The following NEBL variants were observed in gnomAD, a reference collection of about 807,000 sequenced individuals.
NEBL encodes nebulette.
In NEBL, 122 loss-of-function variants were observed where a neutral mutation model predicts 140.2. The ratio of observed to expected loss-of-function variants is 0.87; its 90% confidence interval spans 0.75 to 1.01. The LOEUF (loss-of-function observed/expected upper bound fraction) is 1.01, where lower values mean the gene tolerates loss of function less well. NEBL is among the 50% of genes least tolerant of loss of function. The pLI is 0.00. For missense variants in NEBL, 1,365 were observed against 1,231.3 expected, an observed-to-expected ratio of 1.11 and a Z score of -1.62; for synonymous variants, 436 against 398.9, an observed-to-expected ratio of 1.09 and a Z score of -1.11.
At chr10:20,852,926 G>C (rs1163917027) in intron 9 of NEBL, among the ~76,000 whole-genome samples, 1 of 152,230 alleles carries the variant, frequency 6.6e-6, no homozygotes, top group Non-Finnish European at 1.5e-5. Flanking sequence ...ACACCAGCGT[G>C]TGGCAACGGA....
intron 11 of NEBL, among the ~76,000 whole-genome samples, chr10:20,849,353 A>T (rs1842277933): frequency 6.6e-6 from 1 of 152,206 alleles, no homozygotes; most frequent in African/African-American, 2.4e-5. Flanking sequence ...TATTGAAAAA[A>T]AATCAATCAA....
At chr10:21,174,821 A>G (rs1162917249), upstream of NEBL, 1 of 152,142 alleles carries the variant, frequency 6.6e-6, no homozygotes, top group African/African-American at 2.4e-5. Flanking sequence ...CGGCTCCCAG[A>G]CCCCGCGCTT....
intron 3 of NEBL, among the ~76,000 whole-genome samples, chr10:20,982,353 A>C (rs559250776): frequency 6.6e-6 from 1 of 150,698 alleles, no homozygotes; most frequent in South Asian, 2.1e-4. Context: ...CAATTTCAGC[A>C]AGGGTATCCT....
chr10:20,818,910 T>C (rs1838996421), intron 20 of NEBL: 1 of 976,992 alleles, frequency 1.0e-6, no homozygotes, highest in Non-Finnish European at 1.2e-6. Context: ...AATTTTTAGA[T>C]AGTTTTATTA....
In NEBL at chr10:20,896,391, C is replaced by A. The variant is rs567280207; in HGVS notation, c.153+567G>T. 3.6e-4 allele frequency among the ~76,000 whole-genome samples: 54 copies of A among 149,498 alleles called. 1 individual carries two copies. The South Asian group carries it at 6.3e-3, about 18-fold the overall frequency. ...ACTAAAAAATGTCACAACAAAAATA[C>A]CCCTTGCACTAATATCCTTGCACTA... On this transcript the variant is annotated intron_variant, in intron 2 of 27. Transcript: ENST00000377122.
chr10:21,161,425 C>A (rs372987856), intron 2 of NEBL, among the ~76,000 whole-genome samples: 5 of 152,068 alleles, frequency 3.3e-5, no homozygotes, highest in East Asian at 3.9e-4. Flanking sequence ...ACTCACCATG[C>A]CCCCAACAAA....
intron 2 of NEBL, among the ~76,000 whole-genome samples, chr10:21,108,280 C>T (rs554826197): frequency 6.6e-6 from 1 of 152,166 alleles, no homozygotes; most frequent in Non-Finnish European, 1.5e-5. Flanking sequence ...ATCTTTCCTT[C>T]TTTCTCTTGT....
At chr10:21,103,933 G>C (rs1471752648) in intron 2 of NEBL, among the ~76,000 whole-genome samples, 1 of 152,132 alleles carries the variant, frequency 6.6e-6, no homozygotes, top group Non-Finnish European at 1.5e-5. Flanking sequence ...TTACATTTAA[G>C]TTTATGATAT....
Position 21,242,456 on chromosome 10 carries a change from G to A in NEBL, n.348+5465C>T, listed in dbSNP as rs572849279. Among the ~76,000 whole-genome samples the A allele has an allele frequency of 4.1e-4, 63 of 152,218 alleles. 1 individual carries two copies. In the South Asian group the frequency reaches 0.012, roughly 29 times the overall value. On this transcript the variant is annotated intron_variant and non_coding_transcript_variant, in intron 3 of 8. Coordinates refer to the NEBL transcript ENST00000675702. ...CACAAAGAAGGGAATAACAGACACCGGGGCCTGATGAGGGTGGTGGGTGAG... is the reference window on the plus strand; with the variant it reads ...CACAAAGAAGGGAATAACAGACACCAGGGCCTGATGAGGGTGGTGGGTGAG...
At chr10:21,048,278 T>C (rs903741186) in intron 2 of NEBL, among the ~76,000 whole-genome samples, 1 of 152,100 alleles carries the variant, frequency 6.6e-6, no homozygotes, top group African/African-American at 2.4e-5. Flanking sequence ...GACTTCTGAA[T>C]ACCAAATTCC....
At chr10:21,076,050 G>A (rs1836057407) in intron 2 of NEBL, among the ~76,000 whole-genome samples, 1 of 152,084 alleles carries the variant, frequency 6.6e-6, no homozygotes, top group South Asian at 2.1e-4. Flanking sequence ...TCTTGGTGAG[G>A]ATGTGGAGAA....
chr10:21,268,539 T>G (rs1467899361), intron 1 of NEBL, among the ~76,000 whole-genome samples: 13 of 132,678 alleles, frequency 9.8e-5, no homozygotes, highest in African/African-American at 2.2e-4. Context: ...TTTTTTTTTT[T>G]GGGAGATGGT....
chr10:21,188,809 C>T (rs1265943698), intron 3 of NEBL, among the ~76,000 whole-genome samples: 3 of 151,836 alleles, frequency 2.0e-5, no homozygotes, highest in African/African-American at 4.8e-5. Flanking sequence ...AGGCTGGTCT[C>T]GAACTCCTGA....
chr10:21,077,226 A>C (rs926817260), intron 2 of NEBL, among the ~76,000 whole-genome samples: 2 of 152,120 alleles, frequency 1.3e-5, no homozygotes, highest in Non-Finnish European at 2.9e-5. Flanking sequence ...TTTCTTCAAA[A>C]AAAATAAAAA....
At chr10:20,935,817 AT>A (rs1399448712) in intron 4 of NEBL, among the ~76,000 whole-genome samples, 3 of 152,088 alleles carry the variant, frequency 2.0e-5, no homozygotes, top group Non-Finnish European at 2.9e-5. Flanking sequence ...TCTAAGAAGA[AT>A]TTTTTTCACC....
intron 4 of NEBL, among the ~76,000 whole-genome samples, chr10:20,922,364 A>T (rs1356113618): frequency 6.6e-6 from 1 of 152,158 alleles, no homozygotes; most frequent in Admixed American, 6.6e-5. Context: ...CATGAGAACG[A>T]TATGTTTTAT....
intron 23 of NEBL, chr10:20,813,713 T>C: frequency 1.9e-6 from 1 of 532,214 alleles, no homozygotes; most frequent in Non-Finnish European, 3.4e-6. Context: ...AGTAGTCACG[T>C]TAGAAATAAA....
chr10:21,270,595 T>C (rs1842850259), intron 1 of NEBL, among the ~76,000 whole-genome samples: 1 of 152,166 alleles, frequency 6.6e-6, no homozygotes. Flanking sequence ...CTCGAAATCC[T>C]GACCTCAAGT....
intron 2 of NEBL, among the ~76,000 whole-genome samples, chr10:21,020,724 G>C (rs1838756240): frequency 6.6e-6 from 1 of 152,068 alleles, no homozygotes; most frequent in South Asian, 2.1e-4. Context: ...CCTCCATCTT[G>C]AAATGTCGTC....
Sources: gnomAD v4.1 joint callset for allele counts (sites outside exome capture counted in the v4.1 genomes callset) on GRCh38, gnomAD v4.1.1 for gene constraint, MANE v1.5 for transcripts, NCBI Gene and HGNC (gene_info 2026-07-23, HGNC 2026-07-21) for gene names.